Variants in SYN3 observed in about 807,000 individuals in gnomAD.
SYN3 encodes the protein synapsin-3.
SYN3 carries 35 observed loss-of-function variants against 65.8 expected under a neutral mutation model. The ratio of observed to expected loss-of-function variants is 0.53; its 90% CI spans 0.41 to 0.70. The LOEUF (loss-of-function observed/expected upper bound fraction) is 0.70. SYN3 is among the 30% of genes least tolerant of loss of function. The pLI, the probability that SYN3 is intolerant of heterozygous loss-of-function variation, is 0.00. For synonymous variants in SYN3, 270 were observed against 292.9 expected, an observed-to-expected ratio of 0.92 and a Z score of 0.80; for missense variants, 680 against 749.0, an observed-to-expected ratio of 0.91 and a Z score of 1.08.
intron 6 of SYN3, among the ~76,000 whole-genome samples, chr22:32,823,815 C>T (rs769948676): frequency 1.3e-5 from 2 of 152,148 alleles, no homozygotes; most frequent in Non-Finnish European, 2.9e-5. Context: ...AGGCAAGTCA[C>T]TCTGCCTCCA....
intron 4 of SYN3, among the ~76,000 whole-genome samples, chr22:32,885,781 G>T (rs906825544): frequency 6.6e-6 from 1 of 152,000 alleles, no homozygotes; most frequent in African/African-American, 2.4e-5. Context: ...GGCTGGTCTG[G>T]AACTCCTGAC....
rs747732258 is a variant in SYN3, at chr22:32,795,276, C to T, written c.711+69639G>A. 5.9e-4 allele frequency among the ~76,000 whole-genome samples: 90 copies of T among 152,272 alleles called. 1 individual carries two copies. Among genetic ancestry groups the T allele is most frequent in the Non-Finnish European group, 6.8e-4 (46 of 68,014 alleles). On this transcript the variant is annotated intron_variant, in intron 6 of 13. Coordinates refer to ENST00000358763, the MANE Select transcript of SYN3 (RefSeq NM_003490.4). ...AGAGAAAGACTCTGGGGAGTGTAAC[C>T]AATTATGTCACTATTGAAATTGTCA...
intron 1 of SYN3, among the ~76,000 whole-genome samples, chr22:33,051,573 A>G (rs1324403273): frequency 1.3e-5 from 2 of 152,170 alleles, no homozygotes; most frequent in African/African-American, 4.8e-5. Context: ...AAACAAAAAA[A>G]AAATCACAGT....
chr22:32,863,342 T>C (rs753873419), intron 6 of SYN3, among the ~76,000 whole-genome samples: 19 of 152,250 alleles, frequency 1.2e-4, no homozygotes, highest in Non-Finnish European at 2.1e-4. Flanking sequence ...ACCCCCAGAC[T>C]GGAGTCCTTA....
chr22:32,555,379 AAGCAACTGAAGCTTATTG>A (rs1361272271), intron 7 of SYN3, among the ~76,000 whole-genome samples: 1 of 152,176 alleles, frequency 6.6e-6, no homozygotes, highest in East Asian at 1.9e-4. Flanking sequence ...AGAAACACAT[AAGCAACTGAAGCTTATTG>A]CCCTATTTCA....
intron 2 of SYN3, among the ~76,000 whole-genome samples, chr22:33,005,282 A>G (rs1245916344): frequency 1.3e-5 from 2 of 152,150 alleles, no homozygotes; most frequent in Non-Finnish European, 2.9e-5. Flanking sequence ...AAAGCCATGT[A>G]TGAGTCCACT....
intron 3 of SYN3, among the ~76,000 whole-genome samples, chr22:32,937,264 CAT>C (rs2050799562): frequency 1.3e-5 from 2 of 152,098 alleles, no homozygotes; most frequent in Admixed American, 6.5e-5. Flanking sequence ...GAGAAAGAAA[CAT>C]ATTTTAAAAA....
intron 6 of SYN3, among the ~76,000 whole-genome samples, chr22:32,607,105 A>T (rs900651958): frequency 5.1e-5 from 7 of 136,176 alleles, no homozygotes; most frequent in Non-Finnish European, 7.6e-5. Flanking sequence ...TCACCTCCCC[A>T]AGCAGCTGGC....
intron 12 of SYN3, among the ~76,000 whole-genome samples, chr22:32,525,520 A>T (rs1397291933): frequency 2.0e-5 from 3 of 152,098 alleles, no homozygotes; most frequent in Admixed American, 2.0e-4. Context: ...AGCCTGGCAA[A>T]CACGGTGAAA....
intron 2 of SYN3, among the ~76,000 whole-genome samples, chr22:33,003,171 T>C (rs1251711611): frequency 6.6e-6 from 1 of 152,204 alleles, no homozygotes; most frequent in Non-Finnish European, 1.5e-5. Context: ...AGGTAGTTCT[T>C]TATAGCAGTG....
chr22:32,641,090 A>C (rs2059891016), intron 6 of SYN3, among the ~76,000 whole-genome samples: 2 of 152,164 alleles, frequency 1.3e-5, no homozygotes. Flanking sequence ...ATGAAGAGTA[A>C]ATGTGGTCCC....
intron 6 of SYN3, among the ~76,000 whole-genome samples, chr22:32,774,311 A>G (rs1373551965): frequency 3.3e-5 from 5 of 152,200 alleles, no homozygotes; most frequent in African/African-American, 1.2e-4. Context: ...TAATCCAATG[A>G]CTGGTGTCCT....
intron 3 of SYN3, among the ~76,000 whole-genome samples, chr22:32,959,191 T>C (rs2051564546): frequency 6.6e-6 from 1 of 152,140 alleles, no homozygotes; most frequent in Admixed American, 6.5e-5. Flanking sequence ...TCACGAGATC[T>C]GATTGTTTTA....
intron 12 of SYN3, among the ~76,000 whole-genome samples, chr22:32,526,765 C>T (rs904960632): frequency 6.6e-6 from 1 of 152,112 alleles, no homozygotes; most frequent in Non-Finnish European, 1.5e-5. Context: ...GTGATCCGCC[C>T]GCCTCGGCCT....
chr22:32,534,669 A>G (rs1347618379), intron 9 of SYN3, among the ~76,000 whole-genome samples: 1 of 152,166 alleles, frequency 6.6e-6, no homozygotes, highest in African/African-American at 2.4e-5. Flanking sequence ...TTTGGGAGTC[A>G]CAGGGGACTC....
chr22:32,904,423 T>C (rs144039597), intron 4 of SYN3, among the ~76,000 whole-genome samples: 8 of 152,226 alleles, frequency 5.3e-5, no homozygotes, highest in African/African-American at 9.6e-5. Context: ...AGGCGCCTGG[T>C]TGGATTCCTG....
intron 4 of SYN3, among the ~76,000 whole-genome samples, chr22:32,887,090 C>T (rs2049314580): frequency 6.6e-6 from 1 of 152,060 alleles, no homozygotes; most frequent in Non-Finnish European, 1.5e-5. Context: ...ATAGAAAGAC[C>T]CATGGAAAGG....
At chr22:32,746,076 T>C (rs2044923784) in intron 6 of SYN3, among the ~76,000 whole-genome samples, 1 of 152,364 alleles carries the variant, frequency 6.6e-6, no homozygotes, top group South Asian at 2.1e-4. Context: ...TTAAGAATTG[T>C]TGTCCAAACT....
At chr22:32,852,786 T>C (rs941714903) in intron 6 of SYN3, among the ~76,000 whole-genome samples, 5 of 152,156 alleles carry the variant, frequency 3.3e-5, no homozygotes, top group Admixed American at 6.5e-5. Flanking sequence ...AGAGAGCTTA[T>C]TGCAATCCCA....
Sources: gnomAD v4.1 joint callset for allele counts (sites outside exome capture counted in the v4.1 genomes callset) on GRCh38, gnomAD v4.1.1 for gene constraint, MANE v1.5 for transcripts, NCBI Gene and HGNC (gene_info 2026-07-23, HGNC 2026-07-21) for gene names.